The following TRIM44 variants were observed in gnomAD, a reference collection of about 807,000 sequenced individuals.
The protein encoded by TRIM44 is tripartite motif-containing protein 44.
TRIM44 carries 13 observed loss-of-function variants against 37.4 expected under a neutral mutation model. The observed-to-expected ratio is 0.35, with a 90% confidence interval of 0.23 to 0.55. The LOEUF is 0.55. Among genes scored for constraint, TRIM44 ranks in the 20% least tolerant of loss-of-function variants. The pLI is 0.89. For synonymous variants in TRIM44, 175 were observed against 157.2 expected (o/e 1.11, Z -0.85); for missense variants, 426 against 437.2 (o/e 0.97, Z 0.23).
intron 4 of TRIM44, among the ~76,000 whole-genome samples, chr11:35,752,748 C>T (rs1310781001): frequency 1.3e-5 from 2 of 152,152 alleles, no homozygotes; most frequent in East Asian, 1.9e-4. Flanking sequence ...GGCCTTTGTG[C>T]TCATGTTCCC....
chr11:35,690,893 T>G (rs1410125531), intron 2 of TRIM44, among the ~76,000 whole-genome samples: 2 of 152,220 alleles, frequency 1.3e-5, no homozygotes, highest in Non-Finnish European at 2.9e-5. Flanking sequence ...AACTCGAGAT[T>G]TGTCTCACTT....
Position 35,663,631 on chromosome 11 carries a change from G to C in TRIM44, c.520G>C (p.Val174Leu). ...DPEIEMEAER[V>L]AKRKCPDHGL... Reference sequence around the variant, plus strand: ...AGAAATAGAAATGGAAGCAGAGAGAGTGGCCAAGAGGAAGTGTCCGGACCA... The same window carrying C: ...AGAAATAGAAATGGAAGCAGAGAGACTGGCCAAGAGGAAGTGTCCGGACCA... Residue 174 changes from valine to leucine, a missense_variant, in exon 1 of 5, where the codon GTG (valine) becomes CTG (leucine). Physicochemically the swap from Val to Leu is conservative, Grantham distance 32. Transcript: ENST00000299413. 6.2e-7 allele frequency: 1 copy of C among 1,614,188 alleles called. No homozygotes were observed. The highest frequency in any genetic ancestry group is 8.5e-7 in the Non-Finnish European group (1 of 1,180,034).
At chr11:35,794,886 G>A (rs554540666) in intron 4 of TRIM44, among the ~76,000 whole-genome samples, 7 of 152,340 alleles carry the variant, frequency 4.6e-5, no homozygotes, top group East Asian at 1.9e-4. Flanking sequence ...AGTTAAAGCC[G>A]TTTGCCACCA....
At chr11:35,801,180 G>T (rs1041798315) in intron 4 of TRIM44, among the ~76,000 whole-genome samples, 1 of 152,148 alleles carries the variant, frequency 6.6e-6, no homozygotes, top group African/African-American at 2.4e-5. Flanking sequence ...CTGCAACTAG[G>T]CAACCACTTC....
At chr11:35,804,446 A>G (rs898952614) in intron 4 of TRIM44, among the ~76,000 whole-genome samples, 1 of 152,266 alleles carries the variant, frequency 6.6e-6, no homozygotes, top group African/African-American at 2.4e-5. Flanking sequence ...AAAATTCTGT[A>G]TACAATTTCA....
intron 2 of TRIM44, among the ~76,000 whole-genome samples, chr11:35,709,165 C>A (rs1851934513): frequency 6.6e-6 from 1 of 152,120 alleles, no homozygotes; most frequent in Admixed American, 6.5e-5. Flanking sequence ...TTTGGAGGCT[C>A]TCATTTGTAA....
intron 2 of TRIM44, among the ~76,000 whole-genome samples, chr11:35,719,410 G>T (rs1253042979): frequency 1.3e-5 from 2 of 151,936 alleles, no homozygotes; most frequent in African/African-American, 2.4e-5. Flanking sequence ...TAATCAGGTT[G>T]TTCATTTTCT....
intron 4 of TRIM44, among the ~76,000 whole-genome samples, chr11:35,740,652 C>T (rs772742323): frequency 6.6e-5 from 10 of 152,132 alleles, no homozygotes; most frequent in Non-Finnish European, 1.0e-4. Flanking sequence ...AGTCAGCAGA[C>T]CTAGCTTCTA....
intron 4 of TRIM44, among the ~76,000 whole-genome samples, chr11:35,758,721 T>C (rs1418585929): frequency 1.3e-5 from 2 of 152,130 alleles, no homozygotes. Context: ...TCAGCATTTG[T>C]TTGTCTGTAA....
intron 4 of TRIM44, among the ~76,000 whole-genome samples, chr11:35,790,945 G>T (rs565521037): frequency 1.3e-5 from 2 of 152,142 alleles, no homozygotes; most frequent in African/African-American, 4.8e-5. Flanking sequence ...TTTCATAAAC[G>T]TCCACTTCTC....
chr11:35,779,350 T>G (rs1470586970), intron 4 of TRIM44, among the ~76,000 whole-genome samples: 1 of 152,160 alleles, frequency 6.6e-6, no homozygotes, highest in Non-Finnish European at 1.5e-5. Flanking sequence ...CTGTCATGTC[T>G]TCCCTTGGCT....
chr11:35,673,105 C>G (rs1851417902), intron 1 of TRIM44, among the ~76,000 whole-genome samples: 1 of 152,194 alleles, frequency 6.6e-6, no homozygotes. Flanking sequence ...TTTTGGAATT[C>G]ACTCTCTACA....
At chr11:35,749,767 CT>C (rs1220452398) in intron 4 of TRIM44, among the ~76,000 whole-genome samples, 3 of 152,166 alleles carry the variant, frequency 2.0e-5, no homozygotes, top group African/African-American at 7.2e-5. Context: ...GTTTGACAAA[CT>C]AATAAGTTAA....
intron 4 of TRIM44, among the ~76,000 whole-genome samples, chr11:35,779,732 T>C (rs1376816102): frequency 1.3e-5 from 2 of 152,310 alleles, no homozygotes; most frequent in African/African-American, 2.4e-5. Flanking sequence ...TCTTAGAGTT[T>C]GGGGTCTTGT....
At chr11:35,753,276 A>C (rs1218567551) in intron 4 of TRIM44, among the ~76,000 whole-genome samples, 1 of 152,218 alleles carries the variant, frequency 6.6e-6, no homozygotes. Context: ...ATGGAAGAGA[A>C]AGCCTGTATT....
chr11:35,776,950 T>A (rs1290014992), intron 4 of TRIM44, among the ~76,000 whole-genome samples: 1 of 151,998 alleles, frequency 6.6e-6, no homozygotes, highest in Non-Finnish European at 1.5e-5. Flanking sequence ...GGGTGGAGAG[T>A]TCTGTAGATA....
At chr11:35,718,901 TTTC>T (rs144637743) in intron 2 of TRIM44, among the ~76,000 whole-genome samples, 17,633 of 151,238 alleles carry the variant, frequency 0.12, 1,287 homozygotes, top group Non-Finnish European at 0.17. Context: ...TTTTCTTGTT[TTTC>T]TTCTTTTTTT....
In TRIM44 at chr11:35,816,915, C is replaced by A. The variant is rs1853586409; in HGVS notation, c.*10530C>A. 1 of 152,218 alleles carries A rather than the reference C, an allele frequency of 6.6e-6. No individual in the cohort carries two copies. The highest frequency in any genetic ancestry group is 6.5e-5 in the Admixed American group (1 of 15,272). The allele number at this position is 152,218 out of a possible 1,614,324, so 9.4% of individuals were successfully genotyped here. A position where few individuals can be genotyped will look rare whatever the true frequency, so the allele number is the denominator to read the frequency against. ...CCCCTCACTGAGCTGCTCTGCTCAC[C>A]TCTAGATGCTCCCCATGGCTGTTTC... On this transcript the variant is annotated 3_prime_UTR_variant, in exon 5 of 5. Transcript: ENST00000299413.
chr11:35,792,316 A>G (rs564920558), intron 4 of TRIM44, among the ~76,000 whole-genome samples: 49 of 152,232 alleles, frequency 3.2e-4, no homozygotes, highest in Non-Finnish European at 6.5e-4. Context: ...CACTGAAAGC[A>G]CAAATGAAGG....
Sources: allele counts gnomAD v4.1 joint callset (sites outside exome capture counted in the v4.1 genomes callset), GRCh38; gene constraint gnomAD v4.1.1; transcripts MANE v1.5; gene names NCBI Gene and HGNC (gene_info 2026-07-23, HGNC 2026-07-21).